The following TM7SF3 variants were observed in gnomAD, a reference collection of about 807,000 sequenced individuals.
The protein encoded by TM7SF3 is transmembrane 7 superfamily member 3, also known as seven span transmembrane protein.
In TM7SF3, 60 loss-of-function variants were observed where a neutral mutation model predicts 65.5. That is an observed-to-expected ratio of 0.92 (90% CI 0.74 to 1.14). The LOEUF is 1.14. Ranked by LOEUF, TM7SF3 falls within the 50% of genes most tolerant of loss-of-function variation. The pLI, the probability that TM7SF3 is intolerant of heterozygous loss-of-function variation, is 0.00. For missense variants in TM7SF3, 623 were observed against 684.8 expected (o/e 0.91, Z 1.01); for synonymous variants, 264 against 259.6 (o/e 1.02, Z -0.16).
At chr12:26,978,484 T>A (rs1939666627) in intron 9 of TM7SF3, 1 of 152,340 alleles carries the variant, frequency 6.6e-6, no homozygotes, top group Non-Finnish European at 1.5e-5. Context: ...GAAAAGTACA[T>A]TAAATTACTA....
chr12:26,990,700 G>C (rs546857038), intron 5 of TM7SF3, 73 bp from the exon 6 acceptor site: 104 of 1,095,310 alleles, frequency 9.5e-5, no homozygotes, highest in African/African-American at 9.3e-4. Context: ...TCCCACCTAC[G>C]TGTAATATTA....
chr12:27,003,460 A>T, intron 1 of TM7SF3, 70 bp from the exon 2 acceptor site: 4 of 1,385,774 alleles, frequency 2.9e-6, no homozygotes, highest in Non-Finnish European at 3.0e-6. Context: ...CATATTCATA[A>T]ATGAATGTGG....
chr12:26,995,128 C>G (rs1940535495), intron 5 of TM7SF3, 109 bp downstream of exon 5: 1 of 1,148,680 alleles, frequency 8.7e-7, no homozygotes, highest in Non-Finnish European at 1.2e-6. Context: ...TGAGTGTCCC[C>G]CAAAAAGGAG....
At chr12:26,979,548 C>T (rs886873307) in intron 9 of TM7SF3, 1 of 534,132 alleles carries the variant, frequency 1.9e-6, no homozygotes, top group African/African-American at 1.9e-5. Context: ...CTTATCACAA[C>T]AAATAGATAC....
At chr12:26,991,723 A>G (rs2136414671) in intron 5 of TM7SF3, among the ~76,000 whole-genome samples, 1 of 152,378 alleles carries the variant, frequency 6.6e-6, no homozygotes, top group Non-Finnish European at 1.5e-5. Flanking sequence ...TAAACCAGAC[A>G]GAAAAGTTGA....
In TM7SF3 at chr12:27,012,869, G is replaced by T. The variant is rs886269510; in HGVS notation, c.91+1209C>A. 4 of 372,304 alleles carry T rather than the reference G, an allele frequency of 1.1e-5. No individual in the cohort carries two copies. In the Admixed American group the frequency reaches 1.4e-4, roughly 13 times the overall value. 23.1% of individuals were successfully genotyped at this position (372,304 alleles called of 1,614,324 possible). ...AAAAACTAGCTGGGTGTGGTGGCGG[G>T]CGCCTGTAATCCCAGCTACTCTGGA... On this transcript the variant is annotated intron_variant, in intron 1 of 11. Transcript: ENST00000343028.
At chr12:27,001,102 C>T (rs1392026937) in intron 2 of TM7SF3, among the ~76,000 whole-genome samples, 1 of 151,808 alleles carries the variant, frequency 6.6e-6, no homozygotes. Flanking sequence ...ATTGCCATCA[C>T]GACTCAAAAA....
intron 1 of TM7SF3, 23 bp from the exon 2 acceptor site, chr12:27,003,413 T>C (rs1158608399): frequency 3.8e-6 from 6 of 1,594,564 alleles, no homozygotes; most frequent in African/African-American, 2.7e-5. Flanking sequence ...AAACTTTTCA[T>C]TACAACACTT....
intron 6 of TM7SF3, among the ~76,000 whole-genome samples, chr12:26,983,836 C>A (rs1252657545): frequency 6.6e-6 from 1 of 152,112 alleles, no homozygotes; most frequent in African/African-American, 2.4e-5. Context: ...TGATGAAGCA[C>A]GGTATCATTT....
rs188796102 is a variant in TM7SF3 at position 26,977,861 on chromosome 12, G to A, written c.1190-1504C>T. On this transcript the variant is annotated intron_variant, in intron 9 of 11. Coordinates refer to ENST00000343028, the MANE Select transcript of TM7SF3 (RefSeq NM_016551.3). ...CTCAAGCCTGTAATCCCAACACTTT[G>A]GGAGGCCGAGGTGGGAGGACTGCCT... The A allele has an allele frequency of 3.2e-5, 9 of 277,572 alleles. 1 individual carries two copies. Among genetic ancestry groups the A allele is most frequent in the African/African-American group, 1.4e-4 (6 of 44,106 alleles). The allele number at this position is 277,572 out of a possible 1,614,324, so 17.2% of individuals were successfully genotyped here.
In TM7SF3 at chr12:27,014,283, G is replaced by T; in HGVS notation, c.-115C>A. The T allele has an allele frequency of 1.1e-6, 1 of 912,336 alleles. No homozygotes were observed. The highest frequency in any genetic ancestry group is 1.5e-6 in the Non-Finnish European group (1 of 645,296). 56.5% of individuals were successfully genotyped at this position (912,336 alleles called of 1,614,324 possible). On this transcript the variant is annotated 5_prime_UTR_variant, in exon 1 of 12. Coordinates refer to ENST00000343028, the MANE Select transcript of TM7SF3 (RefSeq NM_016551.3). ...CGGGGCGCCCGCATCGGGCGCCATC[G>T]CCCGCCAGGTGCAGACGCTTCGCAC...
intron 1 of TM7SF3, among the ~76,000 whole-genome samples, chr12:27,003,938 A>C (rs1940933619): frequency 6.6e-6 from 1 of 152,232 alleles, no homozygotes; most frequent in Non-Finnish European, 1.5e-5. Flanking sequence ...AAGGAAGGTG[A>C]AATCAATACT....
At chr12:27,000,521 G>A (rs1449584237) in intron 2 of TM7SF3, among the ~76,000 whole-genome samples, 2 of 151,918 alleles carry the variant, frequency 1.3e-5, no homozygotes, top group South Asian at 2.1e-4. Flanking sequence ...GTGCAGTGGC[G>A]CGATCTCAGC....
intron 6 of TM7SF3, chr12:26,983,488 C>T: frequency 4.5e-6 from 2 of 448,942 alleles, no homozygotes; most frequent in South Asian, 3.2e-5. Flanking sequence ...TTAAGGTATA[C>T]ATACTGAAAT....
chr12:26,977,263 CA>C (rs1939606649), intron 9 of TM7SF3, among the ~76,000 whole-genome samples: 1 of 152,200 alleles, frequency 6.6e-6, no homozygotes, highest in South Asian at 2.1e-4. Context: ...TTAACCTTCA[CA>C]AAATACATAT....
chr12:26,988,647 C>T (rs1940204556), intron 6 of TM7SF3, among the ~76,000 whole-genome samples: 1 of 150,910 alleles, frequency 6.6e-6, no homozygotes, highest in African/African-American at 2.4e-5. Flanking sequence ...CTGCAACTTA[C>T]TCTCATATGG....
chr12:27,007,680 A>G (rs1183767154), intron 1 of TM7SF3, among the ~76,000 whole-genome samples: 2 of 152,196 alleles, frequency 1.3e-5, no homozygotes, highest in East Asian at 1.9e-4. Flanking sequence ...ACACCCATGA[A>G]TTAACCAGCA....
At chr12:26,979,701 A>G in intron 9 of TM7SF3, 83 bp downstream of exon 9, 1 of 1,482,918 alleles carries the variant, frequency 6.7e-7, no homozygotes, top group Non-Finnish European at 9.2e-7. Flanking sequence ...CTGACATGCA[A>G]CACCACTCCA....
intron 1 of TM7SF3, among the ~76,000 whole-genome samples, chr12:27,011,893 T>G (rs905412844): frequency 2.0e-5 from 3 of 152,236 alleles, no homozygotes; most frequent in Non-Finnish European, 4.4e-5. Context: ...TATTCATATT[T>G]TTTAACTTTT....
Sources: allele counts gnomAD v4.1 joint callset (sites outside exome capture counted in the v4.1 genomes callset), GRCh38; gene constraint gnomAD v4.1.1; transcripts MANE v1.5; gene names NCBI Gene and HGNC (gene_info 2026-07-23, HGNC 2026-07-21).